HIVEP3: variants seen among roughly 807,000 people sequenced by gnomAD.
The protein encoded by HIVEP3 is transcription factor HIVEP3.
A neutral mutation model predicts 152.8 loss-of-function variants in HIVEP3; 49 were observed. That is an observed-to-expected ratio of 0.32 (90% CI 0.26 to 0.41). The LOEUF (loss-of-function observed/expected upper bound fraction) is 0.41. Ranked by LOEUF, HIVEP3 falls within the 10% of genes least tolerant of loss-of-function variation. The probability of loss-of-function intolerance (pLI) is 1.00; values close to 1 mark genes in which losing one functional copy is unlikely to be tolerated. For missense variants in HIVEP3, 2,790 were observed against 3,103.3 expected (o/e 0.90, Z 2.40); for synonymous variants, 1,269 against 1,289.0 (o/e 0.98, Z 0.33).
In HIVEP3 at chr1:41,734,380, G is replaced by A. The variant is rs568634661; in HGVS notation, c.-800-33385C>T. On this transcript the variant is annotated intron_variant, in intron 1 of 8. Transcript: ENST00000372583. ...GCACATGGCCCAGCGTTTGGCCCAG[G>A]GAAGGCGAGAGATAGACATACATTC... is the stretch of plus-strand genomic sequence containing the variant. 2.6e-5 allele frequency among the ~76,000 whole-genome samples: 4 copies of A among 152,326 alleles called. No individual in the cohort carries two copies. The East Asian group carries it at 7.7e-4, about 29-fold the overall frequency.
At chr1:41,558,947 C>G (rs551054022) in intron 5 of HIVEP3, among the ~76,000 whole-genome samples, 1 of 152,048 alleles carries the variant, frequency 6.6e-6, no homozygotes, top group Non-Finnish European at 1.5e-5. Flanking sequence ...TAAGCCTGTC[C>G]CACTCCATGC....
chr1:41,969,939 C>G (rs1446885431), intron 1 of HIVEP3, among the ~76,000 whole-genome samples: 1 of 151,934 alleles, frequency 6.6e-6, no homozygotes, highest in South Asian at 2.1e-4. Context: ...ATGTGGCCAA[C>G]AAGCATGAAA....
At chr1:41,665,526 T>A (rs1416888327) in intron 2 of HIVEP3, among the ~76,000 whole-genome samples, 1 of 151,582 alleles carries the variant, frequency 6.6e-6, no homozygotes, top group East Asian at 1.9e-4. Context: ...GACTGACAGG[T>A]AAACAGATAT....
intron 1 of HIVEP3, among the ~76,000 whole-genome samples, chr1:41,786,106 C>A (rs1483229793): frequency 2.0e-5 from 3 of 152,204 alleles, no homozygotes; most frequent in Non-Finnish European, 2.9e-5. Flanking sequence ...GAGTCACAGC[C>A]GGCTGCCTGG....
At chr1:41,967,789 T>C (rs1645207532) in intron 1 of HIVEP3, among the ~76,000 whole-genome samples, 1 of 151,896 alleles carries the variant, frequency 6.6e-6, no homozygotes, top group African/African-American at 2.4e-5. Context: ...CTTAATAAAA[T>C]AGACCACTAG....
At chr1:41,753,434 G>A (rs140797405) in intron 1 of HIVEP3, among the ~76,000 whole-genome samples, 1,604 of 152,220 alleles carry the variant, frequency 0.011, 17 homozygotes, top group Middle Eastern at 0.044. Flanking sequence ...TTGGGAGGCC[G>A]AGGTAGGAGG....
At chr1:41,669,908 C>T (rs541023963) in intron 2 of HIVEP3, among the ~76,000 whole-genome samples, 5 of 152,110 alleles carry the variant, frequency 3.3e-5, no homozygotes, top group Non-Finnish European at 7.4e-5. Context: ...CTAGAGAACC[C>T]TTATAGATGT....
rs1303558442 is a variant in HIVEP3 at position 41,581,289 on chromosome 1, C to T, written c.3509G>A (p.Ser1170Asn). Residue 1170 changes from serine (S) to asparagine (N), a missense_variant, in exon 4 of 9, where the codon AGC becomes AAC. Transcript: ENST00000372583. The surrounding 1 kb of genome is among the most constrained non-coding windows in gnomAD (Gnocchi z 4.5). Reference protein sequence around the residue: ...PEFFSTQAMSSLLSSPYSMPP... With the variant: ...PEFFSTQAMSNLLSSPYSMPP... ...CATGGAGTATGGTGAGGACAGGAGG[C>T]TGGACATGGCCTGGGTGGAGAAGAA... 6.2e-7 allele frequency: 1 copy of T among 1,610,582 alleles called. No individual in the cohort carries two copies. Among genetic ancestry groups the T allele is most frequent in the South Asian group, 1.1e-5 (1 of 90,412 alleles).
At chr1:41,723,530 C>CAG (rs1491014098) in intron 1 of HIVEP3, among the ~76,000 whole-genome samples, 2 of 148,142 alleles carry the variant, frequency 1.4e-5, no homozygotes, top group Non-Finnish European at 3.0e-5. Flanking sequence ...CACACACACA[C>CAG]AGCCACCATA....
intron 1 of HIVEP3, among the ~76,000 whole-genome samples, chr1:41,983,726 A>C (rs1182199564): frequency 6.6e-6 from 1 of 152,068 alleles, no homozygotes; most frequent in East Asian, 1.9e-4. Flanking sequence ...TACCAGATCC[A>C]CCTCTTTCTC....
rs780781233 is a variant in HIVEP3, at chr1:41,583,768, G to T, written c.1030C>A (p.Pro344Thr). The change falls in exon 4 of 9, where the codon CCC becomes ACC. Residue 344 changes from proline (P) to threonine (T), a missense_variant. Coordinates refer to ENST00000372583, the MANE Select transcript of HIVEP3 (RefSeq NM_024503.5). This position sits in a 1 kb window ranked among gnomAD's most constrained non-coding sequence, Gnocchi z 6.9. ...SLEDPPPFVE[P>T]SSEHPLSHKP... ...TGGCTCAGGGGGTGCTCAGATGAGG[G>T]TTCCACAAATGGAGGGGGGTCTTCG... is the stretch of plus-strand genomic sequence containing the variant. 1.9e-6 allele frequency: 3 copies of T among 1,592,448 alleles called. No homozygotes were observed. Among genetic ancestry groups the T allele is most frequent in the Non-Finnish European group, 2.6e-6 (3 of 1,168,962 alleles).
chr1:41,875,159 G>A (rs887303060), intron 1 of HIVEP3, among the ~76,000 whole-genome samples: 4 of 152,344 alleles, frequency 2.6e-5, no homozygotes, highest in Admixed American at 2.0e-4. Context: ...GCAATGCAGC[G>A]CCTTCCTTCA....
rs573214220 is a variant in HIVEP3 at position 41,926,858 on chromosome 1, C to T, written n.120-8334G>A. ...GTTTTAGGGAAAATATGGATGCTTC[C>T]AAGTTGCTACAGGAGGGTCTTGGCA... On this transcript the variant is annotated intron_variant and non_coding_transcript_variant, in intron 1 of 3. Coordinates refer to the HIVEP3 transcript ENST00000489103. 1.0e-3 allele frequency among the ~76,000 whole-genome samples: 156 copies of T among 152,230 alleles called. 1 individual carries two copies. Among genetic ancestry groups the T allele is most frequent in the Non-Finnish European group, 2.0e-3 (139 of 68,020 alleles).
intron 1 of HIVEP3, among the ~76,000 whole-genome samples, chr1:41,915,048 T>C (rs972201392): frequency 6.6e-6 from 1 of 152,156 alleles, no homozygotes; most frequent in African/African-American, 2.4e-5. Flanking sequence ...AGTTGTAATA[T>C]AATTTTGACC....
chr1:41,943,012 G>T (rs997055084), intron 1 of HIVEP3, among the ~76,000 whole-genome samples: 1 of 151,966 alleles, frequency 6.6e-6, no homozygotes, highest in Non-Finnish European at 1.5e-5. Flanking sequence ...CCATTCTCCT[G>T]CCTCAGCCTC....
intron 3 of HIVEP3, among the ~76,000 whole-genome samples, chr1:41,604,291 T>C (rs1258558462): frequency 6.6e-6 from 1 of 152,028 alleles, no homozygotes; most frequent in African/African-American, 2.4e-5. Context: ...CAGCAACAAA[T>C]AGAATGGATA....
chr1:41,553,067 A>G (rs1643913602), intron 5 of HIVEP3, among the ~76,000 whole-genome samples: 1 of 152,054 alleles, frequency 6.6e-6, no homozygotes. Context: ...AACCTTCTGT[A>G]TTGTTGATCT....
At chr1:41,553,405 G>A (rs1643918206) in intron 5 of HIVEP3, among the ~76,000 whole-genome samples, 1 of 152,130 alleles carries the variant, frequency 6.6e-6, no homozygotes, top group Non-Finnish European at 1.5e-5. Context: ...CTGCACATGA[G>A]ATTGGTCTCC....
chr1:41,851,186 G>A (rs1643586866), intron 1 of HIVEP3, among the ~76,000 whole-genome samples: 1 of 150,930 alleles, frequency 6.6e-6, no homozygotes, highest in South Asian at 2.1e-4. Flanking sequence ...TATAACCGCA[G>A]CACCTAGAAC....
Sources: gnomAD v4.1 joint callset for allele counts (sites outside exome capture counted in the v4.1 genomes callset) on GRCh38, gnomAD v4.1.1 for gene constraint, Gnocchi (gnomAD v3.1) non-coding constraint, MANE v1.5 for transcripts, NCBI Gene and HGNC (gene_info 2026-07-23, HGNC 2026-07-21) for gene names.